Variants in ILDR2 observed in about 807,000 individuals in gnomAD.
ILDR2 encodes the protein immunoglobulin-like domain-containing receptor 2.
In ILDR2, 25 loss-of-function variants were observed where a neutral mutation model predicts 66.8. The observed-to-expected ratio is 0.37, with a 90% CI of 0.27 to 0.52. The LOEUF (loss-of-function observed/expected upper bound fraction) is 0.52. Among genes scored for constraint, ILDR2 ranks in the 20% least tolerant of loss-of-function variants. The pLI, the probability that ILDR2 is intolerant of heterozygous loss-of-function variation, is 0.88. For synonymous variants in ILDR2, 367 were observed against 357.2 expected (o/e 1.03, Z -0.31); for missense variants, 827 against 876.8 (o/e 0.94, Z 0.72).
At chr1:166,937,555 A>G (rs1661057796) in intron 4 of ILDR2, among the ~76,000 whole-genome samples, 1 of 152,240 alleles carries the variant, frequency 6.6e-6, no homozygotes, top group Admixed American at 6.5e-5. Context: ...TATGTTTGTT[A>G]ACTCCGCCTC....
rs1659480782 is a variant in ILDR2 at position 166,911,844 on chromosome 1, A to G, written c.*7511T>C. 6.6e-6 allele frequency: 1 copy of G among 152,122 alleles called. No individual in the cohort carries two copies. Among genetic ancestry groups the G allele is most frequent in the South Asian group, 2.1e-4 (1 of 4,826 alleles). 9.4% of individuals were successfully genotyped at this position (152,122 alleles called of 1,614,324 possible). A position where few individuals can be genotyped will look rare whatever the true frequency, so the allele number is the denominator to read the frequency against. On this transcript the variant is annotated 3_prime_UTR_variant, in exon 10 of 10. Transcript: ENST00000271417. The stretch of plus-strand genomic sequence containing the variant: ...GAAGAAATTTACCTGAATAGGGAAT[A>G]GAAAACACAGAGAGAGGAAATACAA...
At position 166,921,292 on chromosome 1, in the gene ILDR2, G is replaced by A. The variant is rs555368975; in HGVS notation, c.1299C>T (p.Phe433=). 4.4e-5 allele frequency: 71 copies of A among 1,598,062 alleles called. No individual in the cohort carries two copies. The East Asian group carries it at 6.3e-4, about 14-fold the overall frequency. Residue 433 remains phenylalanine (F), a synonymous_variant, in exon 9 of 10, where the codon TTC becomes TTT. Coordinates refer to ENST00000271417, the MANE Select transcript of ILDR2 (RefSeq NM_199351.3). The surrounding 1 kb of genome is among the most constrained non-coding windows in gnomAD (Gnocchi z 5.3). ...GGGGCCGCTGGCCGTAGGAGTCAGCGAAGGCCGCCAGCTCGTCCATGGAAA... is the reference window on the plus strand; with the variant it reads ...GGGGCCGCTGGCCGTAGGAGTCAGCAAAGGCCGCCAGCTCGTCCATGGAAA... ...PAVSMDELAA[F]ADSYGQRPRR...
In ILDR2 at chr1:166,958,010, T is replaced by C; in HGVS notation, c.138A>G (p.Thr46=). 6.2e-7 allele frequency: 1 copy of C among 1,614,070 alleles called. No homozygotes were observed. The highest frequency in any genetic ancestry group is 2.2e-5 in the East Asian group (1 of 44,874). Residue 46 remains threonine, a synonymous_variant, in exon 2 of 10, where the codon ACA becomes ACG. Coordinates refer to ENST00000271417, the MANE Select transcript of ILDR2 (RefSeq NM_199351.3). ...GCACAACTGCAGGCTGATGGGAGGA[T>C]GTTGAGAAGTGGCAGCGAAGCACAG... is the stretch of plus-strand genomic sequence containing the variant. ...QPTVLRCHFS[T]SSHQPAVVQW... is the part of the protein sequence containing the mutation.
In ILDR2 at chr1:166,909,938, T is replaced by A. The variant is rs1414686027; in HGVS notation, c.*9417A>T. 1.3e-5 allele frequency: 2 copies of A among 151,392 alleles called. No homozygotes were observed. Among genetic ancestry groups the A allele is most frequent in the Admixed American group, 6.6e-5 (1 of 15,196 alleles). The allele number at this position is 151,392 out of a possible 1,614,324, so 9.4% of individuals were successfully genotyped here. ...GAAAATATCTCCAGAGAGCAAGGAT[T>A]GTTTTAAAAAAAAGTAAAGTGTTTT... On this transcript the variant is annotated 3_prime_UTR_variant, in exon 10 of 10. Transcript: ENST00000271417.
intron 2 of ILDR2, 24 bp from the exon 3 acceptor site, chr1:166,956,876 C>T: frequency 1.2e-6 from 2 of 1,612,516 alleles, no homozygotes; most frequent in Non-Finnish European, 1.7e-6. Flanking sequence ...AAGAAGGACT[C>T]AGTCCTAAAA....
chr1:166,935,676 CG>C (rs2101902251), intron 5 of ILDR2, among the ~76,000 whole-genome samples, 199 bp from the exon 6 acceptor site: 1 of 152,278 alleles, frequency 6.6e-6, no homozygotes, highest in African/African-American at 2.4e-5. Context: ...CTCCACCAAA[CG>C]GCAACGACAA....
chr1:166,923,765 A>G (rs1343640698), intron 7 of ILDR2, among the ~76,000 whole-genome samples: 1 of 152,244 alleles, frequency 6.6e-6, no homozygotes, highest in African/African-American at 2.4e-5. Flanking sequence ...AAAATAAACA[A>G]AAACTCAACT....
rs1371062532 is a variant in ILDR2, at chr1:166,909,769, AAATATATATATT to A, written c.*9574_*9585del. The A allele has an allele frequency of 1.3e-4, 9 of 67,122 alleles. No homozygotes were observed. The highest frequency in any genetic ancestry group is 5.2e-4 in the African/African-American group (7 of 13,490). The allele number at this position is 67,122 out of a possible 1,614,324, so 4.2% of individuals were successfully genotyped here. ...TATATATATATATATAAATATATAT[AAATATATATATT>A]TATATATATATATATATATATATAT... On this transcript the variant is annotated 3_prime_UTR_variant, in exon 10 of 10. Transcript: ENST00000271417.
chr1:166,929,720 A>C (rs1266881103), intron 6 of ILDR2, among the ~76,000 whole-genome samples: 1 of 152,190 alleles, frequency 6.6e-6, no homozygotes, highest in Non-Finnish European at 1.5e-5. Flanking sequence ...GTGTGTTTGT[A>C]ATGAATGAAG....
At chr1:166,942,534 TA>T (rs992709006) in intron 3 of ILDR2, among the ~76,000 whole-genome samples, 6 of 152,350 alleles carry the variant, frequency 3.9e-5, no homozygotes, top group African/African-American at 1.4e-4. Flanking sequence ...TCATTATTTT[TA>T]AAACACTGGG....
chr1:166,911,457 A>G lies in ILDR2; in HGVS notation c.*7898T>C, dbSNP rs1052186325. The stretch of plus-strand genomic sequence containing the variant: ...AAGAAAGGTTTTTCTTGACTGGCAC[A>G]ATGTAATATGGCATTGCACCACACA... On this transcript the variant is annotated 3_prime_UTR_variant, in exon 10 of 10. Transcript: ENST00000271417. The G allele has an allele frequency of 6.6e-6, 1 of 152,226 alleles. No individual in the cohort carries two copies. Among genetic ancestry groups the G allele is most frequent in the African/African-American group, 2.4e-5 (1 of 41,468 alleles). 9.4% of individuals were successfully genotyped at this position (152,226 alleles called of 1,614,324 possible). A position where few individuals can be genotyped will look rare whatever the true frequency, so the allele number is the denominator to read the frequency against.
intron 1 of ILDR2, among the ~76,000 whole-genome samples, chr1:166,971,177 T>C (rs889532619): frequency 1.3e-5 from 2 of 152,316 alleles, no homozygotes; most frequent in South Asian, 2.1e-4. Context: ...TGCTACTCCA[T>C]AACTGGTGTC....
At chr1:166,957,562 G>A (rs1325667531) in intron 2 of ILDR2, among the ~76,000 whole-genome samples, 3 of 152,160 alleles carry the variant, frequency 2.0e-5, no homozygotes, top group Admixed American at 6.5e-5. Flanking sequence ...TATGTCTTCA[G>A]GAGATTTTAC....
chr1:166,920,382 G>A (rs975573401), intron 9 of ILDR2, among the ~76,000 whole-genome samples: 1 of 152,114 alleles, frequency 6.6e-6, no homozygotes, highest in African/African-American at 2.4e-5. Flanking sequence ...GATGGCTCCC[G>A]AGATCCCTGA....
chr1:166,909,717 A>ATG lies in ILDR2; in HGVS notation c.*9636_*9637dup, dbSNP rs1279353357. 7.1e-6 allele frequency: 1 copy of ATG among 140,882 alleles called. No individual in the cohort carries two copies. Among genetic ancestry groups the ATG allele is most frequent in the African/African-American group, 2.7e-5 (1 of 37,720 alleles). 8.7% of individuals were successfully genotyped at this position (140,882 alleles called of 1,614,324 possible). ...AAGGTTAATAGAAATTGACATATATATGTGTGTGTGTATACATACATATAT... is the reference window on the plus strand; with the variant it reads ...AAGGTTAATAGAAATTGACATATATATGTGTGTGTGTGTATACATACATATAT... On this transcript the variant is annotated 3_prime_UTR_variant, in exon 10 of 10. Transcript: ENST00000271417.
intron 6 of ILDR2, among the ~76,000 whole-genome samples, chr1:166,934,367 G>T (rs996378906): frequency 6.6e-6 from 1 of 152,024 alleles, no homozygotes; most frequent in Non-Finnish European, 1.5e-5. Flanking sequence ...CCTTCATTCC[G>T]CAATATCTCA....
chr1:166,964,341 A>G (rs1049429633), intron 1 of ILDR2, among the ~76,000 whole-genome samples: 1 of 152,154 alleles, frequency 6.6e-6, no homozygotes, highest in Admixed American at 6.6e-5. Flanking sequence ...ATTTTGAAAC[A>G]CTACGCTAAG....
At chr1:166,903,228 T>C (rs1433721161), downstream of ILDR2, among the ~76,000 whole-genome samples, 2 of 152,220 alleles carry the variant, frequency 1.3e-5, no homozygotes, top group African/African-American at 4.8e-5. Context: ...GTAAAGACTA[T>C]ATCACTATAA....
chr1:166,958,243 A>G, intron 1 of ILDR2, 142 bp from the exon 2 acceptor site: 1 of 691,988 alleles, frequency 1.4e-6, no homozygotes, highest in Non-Finnish European at 2.4e-6. Flanking sequence ...TGGCATTAAT[A>G]TCCATCTGGT....
Sources: allele counts gnomAD v4.1 joint callset (sites outside exome capture counted in the v4.1 genomes callset), GRCh38; gene constraint gnomAD v4.1.1; non-coding constraint Gnocchi (gnomAD v3.1); transcripts MANE v1.5; gene names NCBI Gene and HGNC (gene_info 2026-07-23, HGNC 2026-07-21).